PCDHGA6: variants seen among roughly 807,000 people sequenced by gnomAD.
PCDHGA6 encodes protocadherin gamma-A6.
A neutral mutation model predicts 60.6 loss-of-function variants in PCDHGA6; 41 were observed. The ratio of observed to expected loss-of-function variants is 0.68; its 90% CI spans 0.53 to 0.88. The LOEUF (loss-of-function observed/expected upper bound fraction) is 0.88, where lower values mean the gene tolerates loss of function less well. Among genes scored for constraint, PCDHGA6 ranks in the 40% least tolerant of loss-of-function variants. The pLI, the probability that PCDHGA6 is intolerant of heterozygous loss-of-function variation, is 0.00. For synonymous variants in PCDHGA6, 594 were observed against 524.4 expected, an observed-to-expected ratio of 1.13 and a Z score of -1.81; for missense variants, 1,312 against 1,203.0, an observed-to-expected ratio of 1.09 and a Z score of -1.34.
intron 2 of PCDHGA6, among the ~76,000 whole-genome samples, chr5:141,504,359 A>C (rs988295720): frequency 2.6e-5 from 4 of 152,044 alleles, no homozygotes; most frequent in African/African-American, 9.7e-5. Flanking sequence ...TAGGTGCTTC[A>C]GTAGGAAGCA....
chr5:141,435,396 G>A (rs562717014), intron 1 of PCDHGA6, among the ~76,000 whole-genome samples: 46 of 152,096 alleles, frequency 3.0e-4, no homozygotes, highest in African/African-American at 9.4e-4. Context: ...TTGCCATGAC[G>A]AAAAATGGTA....
In PCDHGA6 at chr5:141,375,253, C is replaced by G; in HGVS notation, c.1170C>G (p.Leu390=). Residue 390 remains leucine (L), a synonymous_variant, in exon 1 of 4, where the codon CTC becomes CTG. Coordinates refer to ENST00000517434, the MANE Select transcript of PCDHGA6 (RefSeq NM_018919.3). The part of the protein sequence containing the change: ...GLVTCSIPRS[L]PFELEKSVGN... ...TAACCTGTTCCATCCCGAGAAGTCT[C>G]CCATTTGAATTGGAAAAATCAGTTG... The G allele has an allele frequency of 6.2e-7, 1 of 1,613,916 alleles. No individual in the cohort carries two copies. Among genetic ancestry groups the G allele is most frequent in the Non-Finnish European group, 8.5e-7 (1 of 1,179,896 alleles).
At chr5:141,403,674 T>C in intron 1 of PCDHGA6, 2 of 1,613,812 alleles carry the variant, frequency 1.2e-6, no homozygotes, top group South Asian at 2.2e-5. Flanking sequence ...AATGCCCCGG[T>C]TTTTGCTCAA....
At chr5:141,394,733 G>A (rs1353984219) in intron 1 of PCDHGA6, 1 of 1,613,324 alleles carries the variant, frequency 6.2e-7, no homozygotes, top group South Asian at 1.1e-5. Flanking sequence ...CGCTCAAGCA[G>A]AGCCTCGTGG....
chr5:141,393,453 G>T lies in PCDHGA6; in HGVS notation c.2424+16946G>T, dbSNP rs373805221. On this transcript the variant is annotated intron_variant, in intron 1 of 3. Transcript: ENST00000517434. ...GGCTGCTCACCACCTGGTCCTCACG[G>T]CCTCGGATGGCGGCAAGCCGCCTCG... 6.6e-5 allele frequency: 107 copies of T among 1,614,038 alleles called. 2 individuals carry two copies. In the South Asian group the frequency reaches 1.0e-3, roughly 15 times the overall value.
intron 1 of PCDHGA6, chr5:141,390,426 T>C: frequency 9.8e-7 from 1 of 1,021,884 alleles, no homozygotes; most frequent in Non-Finnish European, 1.4e-6. Flanking sequence ...TAAAAAGCTG[T>C]CATATCATTC....
Position 141,493,435 on chromosome 5 carries a change from G to T in PCDHGA6, c.2425-1372G>T, listed in dbSNP as rs150678406. On this transcript the variant is annotated intron_variant, in intron 1 of 3. Coordinates refer to ENST00000517434, the MANE Select transcript of PCDHGA6 (RefSeq NM_018919.3). The surrounding 1 kb of genome is among the most constrained non-coding windows in gnomAD (Gnocchi z 4.3). ...TGGGATTTTGCTTCTGCTGGGATGG[G>T]GCAAGGGTGGGGTTCCTTCCCTTTT... Among the ~76,000 whole-genome samples the T allele has an allele frequency of 6.6e-5, 10 of 152,294 alleles. No individual in the cohort carries two copies. In the East Asian group the frequency reaches 1.7e-3, roughly 26 times the overall value.
chr5:141,409,546 C>T lies in PCDHGA6; in HGVS notation c.2424+33039C>T, dbSNP rs775680397. 19 of 1,613,880 alleles carry T rather than the reference C, an allele frequency of 1.2e-5. No individual in the cohort carries two copies. The South Asian group carries it at 2.0e-4, about 17-fold the overall frequency. ...TGTATGTCGCTGACATCAACGACAA[C>T]GCCCCAGTTTTCGACCAGACGTCCT... On this transcript the variant is annotated intron_variant, in intron 1 of 3. Coordinates refer to ENST00000517434, the MANE Select transcript of PCDHGA6 (RefSeq NM_018919.3).
chr5:141,405,800 C>T (rs1034546914), intron 1 of PCDHGA6, among the ~76,000 whole-genome samples: 11 of 147,346 alleles, frequency 7.5e-5, no homozygotes, highest in African/African-American at 2.5e-4. Flanking sequence ...TTATAGTTAG[C>T]TTTCTCTTTA....
At chr5:141,393,301 G>A (rs1398078406) in intron 1 of PCDHGA6, 2 of 1,613,768 alleles carry the variant, frequency 1.2e-6, no homozygotes, top group Non-Finnish European at 1.7e-6. Context: ...CCGGATGTGG[G>A]CGTGAACTCC....
intron 1 of PCDHGA6, among the ~76,000 whole-genome samples, chr5:141,483,553 C>G (rs955671854): frequency 2.0e-5 from 3 of 152,230 alleles, no homozygotes; most frequent in Admixed American, 2.0e-4. Context: ...CAGTGCCATT[C>G]ACAGAGACAG....
chr5:141,501,290 T>TACACAC lies in PCDHGA6; in HGVS notation c.2484-4064_2484-4059dup, dbSNP rs55762287. Among the ~76,000 whole-genome samples the TACACAC allele has an allele frequency of 5.7e-3, 774 of 136,224 alleles. 5 individuals are homozygous for TACACAC. The highest frequency in any genetic ancestry group is 9.9e-3 in the African/African-American group (361 of 36,504). The allele number at this position is 136,224 out of a possible 152,430, so 89.4% of individuals were successfully genotyped here. A position where few individuals can be genotyped will look rare whatever the true frequency, so the allele number is the denominator to read the frequency against. ...GTCCAGTCTATGGGATATTCCCTTA[T>TACACAC]ACACACACACACACACACACACACA... On this transcript the variant is annotated intron_variant, in intron 2 of 3. Transcript: ENST00000517434.
chr5:141,399,360 C>T, intron 1 of PCDHGA6: 1 of 1,613,978 alleles, frequency 6.2e-7, no homozygotes, highest in Non-Finnish European at 8.5e-7. Context: ...GAGAGCAAAC[C>T]CCGGAGTACA....
Position 141,434,451 on chromosome 5 carries a change from A to T in PCDHGA6, c.2424+57944A>T, listed in dbSNP as rs145324240. 3.9e-3 allele frequency among the ~76,000 whole-genome samples: 589 copies of T among 152,326 alleles called. 6 individuals carry two copies. The highest frequency in any genetic ancestry group is 0.011 in the Admixed American group (170 of 15,298). ...GGCCGTAATGCCCATGCTGGAAGGTAGTGGGTTTACCGGAATGAGGGCAAG... is the reference window on the plus strand; with the variant it reads ...GGCCGTAATGCCCATGCTGGAAGGTTGTGGGTTTACCGGAATGAGGGCAAG... On this transcript the variant is annotated intron_variant, in intron 1 of 3. Transcript: ENST00000517434.
At chr5:141,377,549 T>G (rs962793950) in intron 1 of PCDHGA6, 3 of 152,038 alleles carry the variant, frequency 2.0e-5, no homozygotes, top group African/African-American at 7.2e-5. Context: ...TGAGATATAA[T>G]TGTGTCACTG....
chr5:141,393,367 G>T, intron 1 of PCDHGA6: 1 of 1,613,962 alleles, frequency 6.2e-7, no homozygotes, highest in South Asian at 1.1e-5. Context: ...GTGCAGACTG[G>T]AGACAATGGA....
intron 1 of PCDHGA6, chr5:141,409,879 A>G (rs1175297210): frequency 1.9e-6 from 3 of 1,612,734 alleles, no homozygotes; most frequent in African/African-American, 2.7e-5. Flanking sequence ...ATGACAACGC[A>G]CCGCGGGTGC....
Position 141,409,996 on chromosome 5 carries a change from G to C in PCDHGA6, c.2424+33489G>C, listed in dbSNP as rs1561724976. 8.7e-6 allele frequency: 14 copies of C among 1,613,014 alleles called. No homozygotes were observed. The Admixed American group carries it at 1.8e-4, about 21-fold the overall frequency. On this transcript the variant is annotated intron_variant, in intron 1 of 3. Transcript: ENST00000517434. ...AGGTGGTAGCGGTGGACGCCGACTC[G>C]GGACACAACGCCTGGCTGTCCTACC...
intron 1 of PCDHGA6, chr5:141,383,115 G>T: frequency 6.2e-7 from 1 of 1,614,078 alleles, no homozygotes; most frequent in Non-Finnish European, 8.5e-7. Flanking sequence ...GAGGTAGGAC[G>T]CAGCTTTTCG....
Sources: allele counts gnomAD v4.1 joint callset (sites outside exome capture counted in the v4.1 genomes callset), GRCh38; gene constraint gnomAD v4.1.1; non-coding constraint Gnocchi (gnomAD v3.1); transcripts MANE v1.5; gene names NCBI Gene and HGNC (gene_info 2026-07-23, HGNC 2026-07-21).